SLC27A4: variants seen among roughly 807,000 people sequenced by gnomAD.
SLC27A4 encodes solute carrier family 27 member 4.
Under a neutral mutation model 64.4 loss-of-function variants are expected in SLC27A4, and 33 were observed. The ratio of observed to expected loss-of-function variants is 0.51; its 90% CI spans 0.39 to 0.68. The LOEUF (loss-of-function observed/expected upper bound fraction) is 0.68, where lower values mean the gene tolerates loss of function less well. Ranked by LOEUF, SLC27A4 falls within the 30% of genes least tolerant of loss-of-function variation. SLC27A4 has a pLI of 0.00. For missense variants in SLC27A4, 824 were observed against 883.5 expected, an observed-to-expected ratio of 0.93 and a Z score of 0.85; for synonymous variants, 377 against 370.0, an observed-to-expected ratio of 1.02 and a Z score of -0.22.
At chr9:128,346,133 T>G (rs978675857) in intron 3 of SLC27A4, among the ~76,000 whole-genome samples, 2 of 152,188 alleles carry the variant, frequency 1.3e-5, no homozygotes, top group African/African-American at 4.8e-5. Flanking sequence ...ACTCTTGAGT[T>G]CAAGCGATCC....
Position 128,353,052 on chromosome 9 carries a change from C to T in SLC27A4, c.1015C>T (p.Arg339Cys), listed in dbSNP as rs376823464. 2.4e-5 allele frequency: 38 copies of T among 1,613,746 alleles called. No homozygotes were observed. Among genetic ancestry groups the T allele is most frequent in the African/African-American group, 4.0e-5 (3 of 74,890 alleles). Residue 339 changes from arginine to cysteine, a missense_variant, in exon 8 of 13, where the codon CGC becomes TGC. Arg to Cys is a radical substitution (Grantham distance 180). Coordinates refer to ENST00000300456, the MANE Select transcript of SLC27A4 (RefSeq NM_005094.4). The surrounding 1 kb of genome is among the most constrained non-coding windows in gnomAD (Gnocchi z 4.9). ...TIVQYIGELC[R>C]YLLNQPPREA... The stretch of plus-strand genomic sequence containing the variant: ...TGTGCAGTACATTGGTGAACTGTGC[C>T]GCTACCTCCTGAACCAGCCACCGCG...
At position 128,340,714 on chromosome 9, in the gene SLC27A4, G is replaced by A. The variant is rs1363334383; in HGVS notation, c.-131G>A. On this transcript the variant is annotated 5_prime_UTR_variant, in exon 1 of 13. Coordinates refer to ENST00000300456, the MANE Select transcript of SLC27A4 (RefSeq NM_005094.4). ...GCGGCCGGGCCATGCAGGGCGCAGA[G>A]CCGGCTAAACCCTGCTGAGACCCGG... The A allele has an allele frequency of 2.3e-5, 13 of 557,476 alleles. No individual in the cohort carries two copies. Among genetic ancestry groups the A allele is most frequent in the Middle Eastern group, 4.7e-4 (1 of 2,148 alleles). 34.5% of individuals were successfully genotyped at this position (557,476 alleles called of 1,614,324 possible). A position where few individuals can be genotyped will look rare whatever the true frequency, so the allele number is the denominator to read the frequency against.
Position 128,361,134 on chromosome 9 carries a change from A to G in SLC27A4, c.*643A>G. The G allele has an allele frequency of 6.4e-6, 1 of 156,900 alleles. No individual in the cohort carries two copies. The highest frequency in any genetic ancestry group is 1.4e-5 in the Non-Finnish European group (1 of 70,658). The allele number at this position is 156,900 out of a possible 1,614,324, so 9.7% of individuals were successfully genotyped here. ...CTCTCAGTCCTTGTGGGTCTGTGTCACCTCCATCTCAGTCTTGGCCTGGCT... is the reference window on the plus strand; with the variant it reads ...CTCTCAGTCCTTGTGGGTCTGTGTCGCCTCCATCTCAGTCTTGGCCTGGCT... On this transcript the variant is annotated 3_prime_UTR_variant, in exon 13 of 13. Coordinates refer to ENST00000300456, the MANE Select transcript of SLC27A4 (RefSeq NM_005094.4).
rs768016213 is a variant in SLC27A4 at position 128,342,358 on chromosome 9, G to A, written c.-6-769G>A. 40 of 1,611,244 alleles carry A rather than the reference G, an allele frequency of 2.5e-5. No homozygotes were observed. In the Middle Eastern group the frequency reaches 8.7e-4, roughly 35 times the overall value. On this transcript the variant is annotated intron_variant, in intron 1 of 12. Coordinates refer to ENST00000300456, the MANE Select transcript of SLC27A4 (RefSeq NM_005094.4). ...GATTGAACAGGAGAAGCAAGCAAGC[G>A]AATCGTAATGAGGCGTGCACCGCCA... is the stretch of plus-strand genomic sequence containing the variant.
At chr9:128,354,953 CAA>C (rs139411337) in intron 9 of SLC27A4, 98 bp from the exon 10 acceptor site, 50,803 of 700,966 alleles carry the variant, frequency 0.072, 2 homozygotes, top group East Asian at 0.085. Context: ...AACTCCGTCT[CAA>C]AAAAAAAAAA....
At chr9:128,342,384 A>T in intron 1 of SLC27A4, 1 of 1,609,650 alleles carries the variant, frequency 6.2e-7, no homozygotes, top group South Asian at 1.1e-5. Context: ...TGCACCGCCA[A>T]TATGCATTGT....
chr9:128,356,995 G>A (rs993607302), intron 12 of SLC27A4, among the ~76,000 whole-genome samples: 5 of 151,784 alleles, frequency 3.3e-5, no homozygotes, highest in Non-Finnish European at 7.4e-5. Context: ...TTGGGAGGCT[G>A]CAGCAGGAGG....
chr9:128,344,951 G>T (rs928952229), intron 2 of SLC27A4, among the ~76,000 whole-genome samples: 10 of 152,180 alleles, frequency 6.6e-5, no homozygotes, highest in African/African-American at 2.4e-4. Flanking sequence ...CTGTGTAAGG[G>T]GAGGGGAATC....
chr9:128,340,840 TGA>T lies in SLC27A4; in HGVS notation c.-7+4_-7+5del. 1.5e-6 allele frequency: 1 copy of T among 683,166 alleles called. No homozygotes were observed. The highest frequency in any genetic ancestry group is 2.7e-6 in the Non-Finnish European group (1 of 370,212). The allele number at this position is 683,166 out of a possible 1,614,324, so 42.3% of individuals were successfully genotyped here. On this transcript the variant is annotated splice_donor_region_variant and intron_variant, in intron 1 of 12. Transcript: ENST00000300456. ...GCCGCGCGGCGGAGCCGACGCCGGG[TGA>T]GCATAGACCGGGCTGGTGGGTTCCC...
Position 128,348,174 on chromosome 9 carries a change from G to T in SLC27A4, c.557-371G>T, listed in dbSNP as rs561453490. On this transcript the variant is annotated intron_variant, in intron 3 of 12. Coordinates refer to ENST00000300456, the MANE Select transcript of SLC27A4 (RefSeq NM_005094.4). ...CAGAGTAAGTAGTGCGGGATAGTGG[G>T]GGGGAGCCCAGACCTTGATGTGAGG... Among the ~76,000 whole-genome samples the T allele has an allele frequency of 5.8e-4, 88 of 152,258 alleles. 1 individual carries two copies. Among genetic ancestry groups the T allele is most frequent in the Middle Eastern group, 3.4e-3 (1 of 294 alleles).
In SLC27A4 at chr9:128,343,189, A is replaced by C. The variant is rs369914046; in HGVS notation, c.57A>C (p.Lys19Asn). ...TGCTGTTCTCCAAGCTGGTGCTGAA[A>C]CTGCCCTGGACCCAGGTGGGATTCT... Reference protein sequence around the residue: ...GVLLFSKLVLKLPWTQVGFSL... With the variant: ...GVLLFSKLVLNLPWTQVGFSL... The change falls in exon 2 of 13, where the codon AAA (lysine) becomes AAC (asparagine). Residue 19 changes from lysine to asparagine, a missense_variant. Coordinates refer to ENST00000300456, the MANE Select transcript of SLC27A4 (RefSeq NM_005094.4). 2 of 1,613,884 alleles carry C rather than the reference A, an allele frequency of 1.2e-6. No individual in the cohort carries two copies. The highest frequency in any genetic ancestry group is 1.3e-5 in the African/African-American group (1 of 74,848).
At chr9:128,348,823 A>C (rs1832694980) in intron 4 of SLC27A4, 120 bp downstream of exon 4, 1 of 1,010,070 alleles carries the variant, frequency 9.9e-7, no homozygotes, top group Non-Finnish European at 1.5e-6. Flanking sequence ...ATGTCACGTC[A>C]CCTCCCTTTT....
At position 128,355,454 on chromosome 9, in the gene SLC27A4, G is replaced by A. The variant is rs377473129; in HGVS notation, c.1519G>A (p.Asp507Asn). 4 of 1,613,446 alleles carry A rather than the reference G, an allele frequency of 2.5e-6. No individual in the cohort carries two copies. The highest frequency in any genetic ancestry group is 2.7e-5 in the African/African-American group (2 of 74,924). Residue 507 changes from aspartate to asparagine, a missense_variant, in exon 11 of 13, where the codon GAC (aspartate) becomes AAC (asparagine). Transcript: ENST00000300456. Reference sequence around the variant, plus strand: ...CCTGTACTTCCGAGACCGCACTGGGGACACGTTCCGCTGGAAAGGTGAGAA... The same window carrying A: ...CCTGTACTTCCGAGACCGCACTGGGAACACGTTCCGCTGGAAAGGTGAGAA... Reference protein sequence around the residue: ...GYLYFRDRTGDTFRWKGENVS... With the variant: ...GYLYFRDRTGNTFRWKGENVS...
intron 4 of SLC27A4, among the ~76,000 whole-genome samples, chr9:128,349,119 G>A (rs1832698932): frequency 1.3e-5 from 2 of 152,110 alleles, no homozygotes; most frequent in African/African-American, 2.4e-5. Flanking sequence ...GACACTTCAG[G>A]ATCTCCAGCT....
At position 128,348,716 on chromosome 9, in the gene SLC27A4, C is replaced by G. The variant is rs1249715772; in HGVS notation, c.715+13C>G. The G allele has an allele frequency of 6.2e-7, 1 of 1,613,472 alleles. No homozygotes were observed. Among genetic ancestry groups the G allele is most frequent in the East Asian group, 2.2e-5 (1 of 44,878 alleles). On this transcript the variant is annotated intron_variant, in intron 4 of 12. Coordinates refer to ENST00000300456, the MANE Select transcript of SLC27A4 (RefSeq NM_005094.4). ...AAGGGCTTCACAGGTGGGCTCCATCCCCTCCCCATAGAGGGGCTCTCACAC... is the reference window on the plus strand; with the variant it reads ...AAGGGCTTCACAGGTGGGCTCCATCGCCTCCCCATAGAGGGGCTCTCACAC...
chr9:128,340,894 C>T (rs1407003326), intron 1 of SLC27A4, 56 bp downstream of exon 1: 5 of 548,312 alleles, frequency 9.1e-6, no homozygotes, highest in East Asian at 6.6e-5. Context: ...CAGGCCGAGT[C>T]GGGCGAGGTG....
At position 128,343,008 on chromosome 9, in the gene SLC27A4, TGG is replaced by T. The variant is rs1237724250; in HGVS notation, c.-6-118_-6-117del. On this transcript the variant is annotated intron_variant, in intron 1 of 12. Transcript: ENST00000300456. Reference sequence around the variant, plus strand: ...CTGTGGTCAGTCACCCAACTCAGTATGGCTAAGCCTTACCACAGGCTGTCCCC... The same window carrying T: ...CTGTGGTCAGTCACCCAACTCAGTATCTAAGCCTTACCACAGGCTGTCCCC... 3.0e-6 allele frequency: 4 copies of T among 1,326,140 alleles called. No homozygotes were observed. The African/African-American group carries it at 5.8e-5, about 19-fold the overall frequency. The allele number at this position is 1,326,140 out of a possible 1,614,324, so 82.1% of individuals were successfully genotyped here. A position where few individuals can be genotyped will look rare whatever the true frequency, so the allele number is the denominator to read the frequency against.
In SLC27A4 at chr9:128,342,341, A is replaced by G. The variant is rs749441434; in HGVS notation, c.-6-786A>G. The G allele has an allele frequency of 2.1e-5, 34 of 1,611,832 alleles. 1 individual carries two copies. The South Asian group carries it at 3.5e-4, about 17-fold the overall frequency. ...CTGCCTTCCAAAGAAACGATTGAACAGGAGAAGCAAGCAAGCGAATCGTAA... is the reference window on the plus strand; with the variant it reads ...CTGCCTTCCAAAGAAACGATTGAACGGGAGAAGCAAGCAAGCGAATCGTAA... On this transcript the variant is annotated intron_variant, in intron 1 of 12. Transcript: ENST00000300456.
rs762516495 is a variant in SLC27A4 at position 128,345,560 on chromosome 9, AG to A, written c.556+16del. On this transcript the variant is annotated intron_variant, in intron 3 of 12. Transcript: ENST00000300456. This position sits in a 1 kb window ranked among gnomAD's most constrained non-coding sequence, Gnocchi z 4.1. ...GCGAAATGGCCTCAGGTGAGCCCCAAGGGGGCGGGGGACAAGCAGGAACCCC... is the reference window on the plus strand; with the variant it reads ...GCGAAATGGCCTCAGGTGAGCCCCAAGGGGCGGGGGACAAGCAGGAACCCC... 6.3e-6 allele frequency: 10 copies of A among 1,596,212 alleles called. No individual in the cohort carries two copies. In the Admixed American group the frequency reaches 6.9e-5, roughly 11 times the overall value.
Sources: gnomAD v4.1 joint callset for allele counts (sites outside exome capture counted in the v4.1 genomes callset) on GRCh38, gnomAD v4.1.1 for gene constraint, Gnocchi (gnomAD v3.1) non-coding constraint, MANE v1.5 for transcripts, NCBI Gene and HGNC (gene_info 2026-07-23, HGNC 2026-07-21) for gene names.